Variants in PARP9 observed in about 807,000 individuals in gnomAD.
PARP9 encodes the protein protein mono-ADP-ribosyltransferase PARP9.
Under a neutral mutation model 68.8 loss-of-function variants are expected in PARP9, and 48 were observed. The ratio of observed to expected loss-of-function variants is 0.70; its 90% confidence interval spans 0.55 to 0.89. The LOEUF is 0.89. PARP9 is among the 40% of genes least tolerant of loss of function. PARP9 has a pLI of 0.00. For missense variants in PARP9, 806 were observed against 969.3 expected (o/e 0.83, Z 2.24); for synonymous variants, 309 against 333.8 (o/e 0.93, Z 0.81).
At chr3:122,564,620 T>C (rs1296993803), upstream of PARP9, 18 of 1,579,422 alleles carry the variant, frequency 1.1e-5, no homozygotes, top group Non-Finnish European at 1.5e-5. Flanking sequence ...GCAGGTGAGC[T>C]TCGGGCGGCC....
rs114825704 is a variant in PARP9, at chr3:122,537,397, T to C, written c.1766-324A>G. Among the ~76,000 whole-genome samples, 1,300 of 152,322 alleles carry C rather than the reference T, an allele frequency of 8.5e-3. 13 individuals carry two copies. The highest frequency in any genetic ancestry group is 0.03 in the African/African-American group (1,249 of 41,562). ...TGCTCATAGGAAATGTTTTTATTTC[T>C]AGCCCCAATGCCTATCAGCAAAAAC... On this transcript the variant is annotated intron_variant, in intron 8 of 10. Coordinates refer to ENST00000682323, the MANE Select transcript of PARP9 (RefSeq NM_001146105.2).
chr3:122,540,457 T>A lies in PARP9; in HGVS notation c.1765+15A>T. 1 of 1,606,856 alleles carries A rather than the reference T, an allele frequency of 6.2e-7. No individual in the cohort carries two copies. The highest frequency in any genetic ancestry group is 8.5e-7 in the Non-Finnish European group (1 of 1,176,280). On this transcript the variant is annotated intron_variant, in intron 8 of 10. Transcript: ENST00000682323. The stretch of plus-strand genomic sequence containing the variant: ...GGGGAGAATTTACTTTCTAATTTGA[T>A]AGAAAGTTACTCACCTAACGAGCGC...
intron 1 of PARP9, 166 bp downstream of exon 1, chr3:122,564,079 T>A: frequency 3.7e-6 from 1 of 272,366 alleles, no homozygotes; most frequent in South Asian, 8.2e-5. Context: ...CAGTAAGAGT[T>A]ACAAAGAATA....
chr3:122,551,411 T>C (rs2079188837), intron 5 of PARP9, among the ~76,000 whole-genome samples: 2 of 152,162 alleles, frequency 1.3e-5, no homozygotes, highest in African/African-American at 2.4e-5. Context: ...AGAAGAAAGA[T>C]AGACAAAGGC....
Position 122,528,038 on chromosome 3 carries a change from T to G in PARP9, c.*326A>C. 5.8e-6 allele frequency: 1 copy of G among 173,234 alleles called. No individual in the cohort carries two copies. 10.7% of individuals were successfully genotyped at this position (173,234 alleles called of 1,614,324 possible). A position where few individuals can be genotyped will look rare whatever the true frequency, so the allele number is the denominator to read the frequency against. The stretch of plus-strand genomic sequence containing the variant: ...TTTATACTATCATCATTTTAGAAAA[T>G]AAAAGGCCTGCGTTATATACTAGAA... On this transcript the variant is annotated 3_prime_UTR_variant, in exon 11 of 11. Transcript: ENST00000682323.
At chr3:122,562,831 C>T (rs2080355011) in intron 1 of PARP9, among the ~76,000 whole-genome samples, 1 of 152,138 alleles carries the variant, frequency 6.6e-6, no homozygotes, top group African/African-American at 2.4e-5. Flanking sequence ...TATTAAACTG[C>T]TAGTCCCCCT....
chr3:122,550,376 G>A (rs2079104522), intron 6 of PARP9, among the ~76,000 whole-genome samples: 1 of 152,214 alleles, frequency 6.6e-6, no homozygotes, highest in Admixed American at 6.5e-5. Context: ...ACCGTGTCTT[G>A]CCAAACATGG....
intron 7 of PARP9, 147 bp from the exon 8 acceptor site, chr3:122,540,999 T>C (rs1381116459): frequency 1.1e-6 from 1 of 870,032 alleles, no homozygotes; most frequent in Non-Finnish European, 1.7e-6. Context: ...CACGCCATTC[T>C]CCTGCCTCAG....
chr3:122,549,641 C>A (rs2079033310), intron 6 of PARP9, among the ~76,000 whole-genome samples: 2 of 152,016 alleles, frequency 1.3e-5, no homozygotes, highest in Non-Finnish European at 2.9e-5. Context: ...ATTAGCCAGG[C>A]ATGGTAGCAT....
intron 1 of PARP9, among the ~76,000 whole-genome samples, chr3:122,562,246 G>T (rs2080288533): frequency 6.6e-6 from 1 of 150,920 alleles, no homozygotes; most frequent in Non-Finnish European, 1.5e-5. Flanking sequence ...GCTGTGGCGC[G>T]ATCTTGGCTC....
At chr3:122,533,535 A>G (rs1256885805) in intron 10 of PARP9, 1 of 328,040 alleles carries the variant, frequency 3.0e-6, no homozygotes, top group Non-Finnish European at 4.4e-6. Flanking sequence ...AGGAAAAAAG[A>G]GAGAAGATAA....
intron 7 of PARP9, 46 bp from the exon 8 acceptor site, chr3:122,540,898 G>GTTTT: frequency 6.8e-7 from 1 of 1,462,914 alleles, no homozygotes; most frequent in Non-Finnish European, 9.1e-7. Context: ...GCAGTTTTTT[G>GTTTT]TTTTTTTTTT....
chr3:122,555,488 AAACTAACCCGG>A lies in PARP9; in HGVS notation c.672_682del (p.Arg225AlafsTer8). On this transcript the variant is annotated frameshift_variant, in exon 4 of 11. Transcript: ENST00000682323. LOFTEE classifies it high-confidence loss of function. ...ATTACTCATCATTGGCTTCCCTTGC[AAACTAACCCGG>A]ATAGTCTCTACAATAGTCTTTGTAC... The A allele has an allele frequency of 6.2e-7, 1 of 1,614,194 alleles. No homozygotes were observed. Among genetic ancestry groups the A allele is most frequent in the Non-Finnish European group, 8.5e-7 (1 of 1,180,038 alleles).
intron 6 of PARP9, among the ~76,000 whole-genome samples, chr3:122,546,247 T>C (rs2078688570): frequency 1.3e-5 from 2 of 152,372 alleles, no homozygotes; most frequent in Middle Eastern, 3.4e-3. Flanking sequence ...GAAACTGTAC[T>C]TGGAATTTTT....
intron 4 of PARP9, among the ~76,000 whole-genome samples, chr3:122,553,132 C>T (rs1284268790): frequency 1.3e-5 from 2 of 152,150 alleles, no homozygotes; most frequent in Admixed American, 6.5e-5. Context: ...TAAAGAAACT[C>T]CAAATGGGAC....
intron 1 of PARP9, 81 bp from the exon 2 acceptor site, chr3:122,559,790 G>A: frequency 2.0e-6 from 1 of 507,908 alleles, no homozygotes; most frequent in East Asian, 3.2e-5. Flanking sequence ...TAGGAGGACT[G>A]AACATGATTT....
chr3:122,528,299 G>A lies in PARP9; in HGVS notation c.*65C>T, dbSNP rs1299227823. The A allele has an allele frequency of 4.0e-5, 62 of 1,548,760 alleles. No individual in the cohort carries two copies. Among genetic ancestry groups the A allele is most frequent in the Non-Finnish European group, 5.1e-5 (58 of 1,144,060 alleles). On this transcript the variant is annotated 3_prime_UTR_variant, in exon 11 of 11. Coordinates refer to ENST00000682323, the MANE Select transcript of PARP9 (RefSeq NM_001146105.2). The stretch of plus-strand genomic sequence containing the variant: ...TATTCAAGCCACTCTTTGAGCCATC[G>A]ATGGTCATTATTTGGTTAGTTCACC...
intron 10 of PARP9, chr3:122,535,516 T>C: frequency 1.0e-6 from 1 of 985,406 alleles, no homozygotes; most frequent in Non-Finnish European, 1.2e-6. Context: ...AAATTTCTTT[T>C]CCTCTTTTGG....
chr3:122,564,214 C>G, intron 1 of PARP9, 31 bp downstream of exon 1: 2 of 552,312 alleles, frequency 3.6e-6, no homozygotes, highest in South Asian at 5.2e-5. Context: ...AGAGGGGACC[C>G]CGAGGGCCCA....
Sources: allele counts gnomAD v4.1 joint callset (sites outside exome capture counted in the v4.1 genomes callset), GRCh38; gene constraint gnomAD v4.1.1; transcripts MANE v1.5; gene names NCBI Gene and HGNC (gene_info 2026-07-23, HGNC 2026-07-21).